The following ZNF468 variants were observed in gnomAD, a reference collection of about 807,000 sequenced individuals.
ZNF468 encodes the protein zinc finger protein ZNF468.
In ZNF468, 8 loss-of-function variants were observed where a neutral mutation model predicts 7.2. The observed-to-expected ratio is 1.11, with a 90% confidence interval of 0.65 to 2.01. ZNF468 has a LOEUF of 2.01. Among genes scored for constraint, ZNF468 ranks in the 30% most tolerant of loss-of-function variants. The pLI, the probability that ZNF468 is intolerant of heterozygous loss-of-function variation, is 0.00. For missense variants in ZNF468, 608 were observed against 626.5 expected, an observed-to-expected ratio of 0.97 and a Z score of 0.31; for synonymous variants, 218 against 214.4, an observed-to-expected ratio of 1.02 and a Z score of -0.15.
intron 1 of ZNF468, among the ~76,000 whole-genome samples, chr19:52,856,338 T>C (rs1395273838): frequency 3.9e-5 from 6 of 152,062 alleles, no homozygotes; most frequent in Non-Finnish European, 8.8e-5. Flanking sequence ...CTGGCCAACA[T>C]GGTGAAACCC....
At chr19:52,845,358 C>G (rs1282716984) in intron 3 of ZNF468, 1 of 148,052 alleles carries the variant, frequency 6.8e-6, no homozygotes, top group Non-Finnish European at 1.5e-5. Context: ...ACCAACAAGC[C>G]TATATAAAGT....
chr19:52,839,128 T>G lies in ZNF468; in HGVS notation c.*1597A>C, dbSNP rs959165641. The G allele has an allele frequency of 6.5e-6, 1 of 154,896 alleles. No individual in the cohort carries two copies. The highest frequency in any genetic ancestry group is 2.4e-5 in the African/African-American group (1 of 41,382). 9.6% of individuals were successfully genotyped at this position (154,896 alleles called of 1,614,324 possible). A position where few individuals can be genotyped will look rare whatever the true frequency, so the allele number is the denominator to read the frequency against. ...TTACCCAGGTGTGGTGGCACACAAC[T>G]GTAGTGTCAGCTACTTGGGAGACTG... On this transcript the variant is annotated 3_prime_UTR_variant, in exon 4 of 4. Coordinates refer to ENST00000595646, the MANE Select transcript of ZNF468 (RefSeq NM_001008801.2).
chr19:52,847,424 C>T (rs1037533928), intron 3 of ZNF468, among the ~76,000 whole-genome samples: 1 of 104,582 alleles, frequency 9.6e-6, no homozygotes, highest in Non-Finnish European at 1.8e-5. Flanking sequence ...GAGATATGGC[C>T]TCATGGGAAA....
intron 2 of ZNF468, among the ~76,000 whole-genome samples, chr19:52,852,988 G>A (rs764039979): frequency 7.9e-5 from 12 of 151,576 alleles, no homozygotes; most frequent in Non-Finnish European, 1.5e-4. Flanking sequence ...CCAAGTAGCT[G>A]GGACTACAGG....
intron 2 of ZNF468, among the ~76,000 whole-genome samples, chr19:52,851,137 G>T (rs2063386594): frequency 6.6e-6 from 1 of 151,950 alleles, no homozygotes; most frequent in Non-Finnish European, 1.5e-5. Flanking sequence ...TTAGCCACGG[G>T]TGATGGCACG....
Position 52,838,369 on chromosome 19 carries a change from A to G in ZNF468, c.*2356T>C, listed in dbSNP as rs2063265727. On this transcript the variant is annotated 3_prime_UTR_variant, in exon 4 of 4. Coordinates refer to ENST00000595646, the MANE Select transcript of ZNF468 (RefSeq NM_001008801.2). ...AATTTACCTCAGCAATACAAAGACC[A>G]TCCATGAAATGACCACAGCAGAAAT... 1 of 152,234 alleles carries G rather than the reference A, an allele frequency of 6.6e-6. No homozygotes were observed. Among genetic ancestry groups the G allele is most frequent in the African/African-American group, 2.4e-5 (1 of 41,440 alleles). The allele number at this position is 152,234 out of a possible 1,614,324, so 9.4% of individuals were successfully genotyped here.
intron 2 of ZNF468, among the ~76,000 whole-genome samples, chr19:52,850,580 G>A (rs2063378975): frequency 2.7e-5 from 4 of 150,612 alleles, no homozygotes; most frequent in Admixed American, 6.6e-5. Flanking sequence ...AGGGTGGAGC[G>A]GGGAGGAAGG....
intron 3 of ZNF468, among the ~76,000 whole-genome samples, chr19:52,846,077 C>T (rs148873077): frequency 6.6e-6 from 1 of 152,174 alleles, no homozygotes; most frequent in African/African-American, 2.4e-5. Flanking sequence ...TTCTTCATAA[C>T]TAAACTTTTT....
At chr19:52,852,085 C>A (rs2063394920) in intron 2 of ZNF468, among the ~76,000 whole-genome samples, 1 of 151,934 alleles carries the variant, frequency 6.6e-6, no homozygotes, top group Non-Finnish European at 1.5e-5. Context: ...AACTATCGGG[C>A]CCGGGCACAG....
chr19:52,844,368 G>T (rs566427444), intron 3 of ZNF468, among the ~76,000 whole-genome samples: 4 of 152,084 alleles, frequency 2.6e-5, no homozygotes, highest in African/African-American at 4.8e-5. Context: ...TCACCAGGAA[G>T]CAATTTGGCT....
At chr19:52,853,552 G>T (rs191292725) in intron 2 of ZNF468, among the ~76,000 whole-genome samples, 5 of 152,002 alleles carry the variant, frequency 3.3e-5, no homozygotes, top group African/African-American at 1.2e-4. Flanking sequence ...TTAGCTGGGC[G>T]TGGTGGTGCA....
At position 52,841,842 on chromosome 19, in the gene ZNF468, G is replaced by A. The variant is rs61729939; in HGVS notation, c.452C>T (p.Pro151Leu). ...GSSFHLHLPE[P>L]HIFQSEGKIG... ...TTTCCCTTCAGACTGAAATATGTGC[G>A]GTTCAGGCAGATGCAAATGAAAGCT... Residue 151 changes from proline (P) to leucine (L), a missense_variant, in exon 4 of 4, where the codon CCG (proline) becomes CTG (leucine). Transcript: ENST00000595646. 249,492 of 1,613,628 alleles carry A rather than the reference G, an allele frequency of 0.15. 20,332 individuals are homozygous for A. Among genetic ancestry groups the A allele is most frequent in the Non-Finnish European group, 0.17 (195,522 of 1,179,762 alleles).
At position 52,842,059 on chromosome 19, in the gene ZNF468, T is replaced by G; in HGVS notation, c.235A>C (p.Ser79Arg). 6.2e-7 allele frequency: 1 copy of G among 1,614,024 alleles called. No homozygotes were observed. Among genetic ancestry groups the G allele is most frequent in the Non-Finnish European group, 8.5e-7 (1 of 1,179,958 alleles). The change falls in exon 4 of 4, where the codon AGT becomes CGT. Residue 79 changes from serine to arginine, a missense_variant. Transcript: ENST00000595646. ...AAACAAAATTCTCCAATGTGATGACTTGCTTGTCTGTGCAATGTCCCTGTG... is the reference window on the plus strand; with the variant it reads ...AAACAAAATTCTCCAATGTGATGACGTGCTTGTCTGTGCAATGTCCCTGTG... ...IHTGTLHRQASHHIGEFCFHE... is the reference protein window; with the variant it reads ...IHTGTLHRQARHHIGEFCFHE...
At position 52,842,289 on chromosome 19, in the gene ZNF468, A is replaced by G. The variant is rs562368324; in HGVS notation, c.143-138T>C. The G allele has an allele frequency of 8.1e-6, 6 of 737,396 alleles. No homozygotes were observed. In the East Asian group the frequency reaches 1.4e-4, roughly 18 times the overall value. The allele number at this position is 737,396 out of a possible 1,614,324, so 45.7% of individuals were successfully genotyped here. ...GAGCTTCAAAGTTTAGGAACACAAAAGGAGTAAGATTCTTTAATAAATAAA... is the reference window on the plus strand; with the variant it reads ...GAGCTTCAAAGTTTAGGAACACAAAGGGAGTAAGATTCTTTAATAAATAAA... On this transcript the variant is annotated intron_variant, in intron 3 of 3. Coordinates refer to ENST00000595646, the MANE Select transcript of ZNF468 (RefSeq NM_001008801.2).
chr19:52,843,294 C>A (rs1218461440), intron 3 of ZNF468, among the ~76,000 whole-genome samples: 1 of 152,026 alleles, frequency 6.6e-6, no homozygotes, highest in Admixed American at 6.6e-5. Context: ...AATGCGATGG[C>A]ACGATCTTGG....
intron 2 of ZNF468, chr19:52,853,918 C>T (rs956294682): frequency 1.5e-5 from 21 of 1,360,182 alleles, no homozygotes; most frequent in Non-Finnish European, 2.0e-5. Flanking sequence ...GGCAGCTGCT[C>T]CAATCCTGGT....
rs1378227061 is a variant in ZNF468 at position 52,838,281 on chromosome 19, G to C, written c.*2444C>G. 1 of 152,128 alleles carries C rather than the reference G, an allele frequency of 6.6e-6. No individual in the cohort carries two copies. The highest frequency in any genetic ancestry group is 1.5e-5 in the Non-Finnish European group (1 of 68,026). 9.4% of individuals were successfully genotyped at this position (152,128 alleles called of 1,614,324 possible). ...CATCATCTCAATACATGGAGAAAAA[G>C]CATTTCACAAAAGTCAACATCAAGT... On this transcript the variant is annotated 3_prime_UTR_variant, in exon 4 of 4. Coordinates refer to ENST00000595646, the MANE Select transcript of ZNF468 (RefSeq NM_001008801.2).
At chr19:52,842,510 C>A (rs78425317) in intron 3 of ZNF468, among the ~76,000 whole-genome samples, 26 of 151,704 alleles carry the variant, frequency 1.7e-4, no homozygotes, top group African/African-American at 6.3e-4. Context: ...ATATTTACAG[C>A]GTATTTAGGG....
chr19:52,853,836 G>C (rs2147745013), intron 2 of ZNF468: 2 of 1,204,354 alleles, frequency 1.7e-6, no homozygotes, highest in East Asian at 7.1e-5. Flanking sequence ...AGGGAGAAAA[G>C]ATTTTCCCTT....
Sources: gnomAD v4.1 joint callset for allele counts (sites outside exome capture counted in the v4.1 genomes callset) on GRCh38, gnomAD v4.1.1 for gene constraint, MANE v1.5 for transcripts, NCBI Gene and HGNC (gene_info 2026-07-23, HGNC 2026-07-21) for gene names.